Variants in FAR2 observed in about 807,000 individuals in gnomAD.
The protein encoded by FAR2 is fatty acyl-CoA reductase 2, also known as epididymis secretory protein Li 81.
Under a neutral mutation model 56.0 loss-of-function variants are expected in FAR2, and 19 were observed. The observed-to-expected ratio is 0.34, with a 90% CI of 0.24 to 0.50. The LOEUF (loss-of-function observed/expected upper bound fraction) is 0.50, where lower values mean the gene tolerates loss of function less well. Ranked by LOEUF, FAR2 falls within the 20% of genes least tolerant of loss-of-function variation. The pLI is 0.98. For synonymous variants in FAR2, 219 were observed against 218.8 expected, an observed-to-expected ratio of 1.00 and a Z score of -0.01; for missense variants, 508 against 642.2, an observed-to-expected ratio of 0.79 and a Z score of 2.26.
chr12:29,247,745 AC>A (rs1359807462), intron 1 of FAR2, among the ~76,000 whole-genome samples: 1 of 152,186 alleles, frequency 6.6e-6, no homozygotes, highest in Non-Finnish European at 1.5e-5. Flanking sequence ...GCATGGATAA[AC>A]CTGTATAAGT....
chr12:29,219,918 C>A (rs1947666299), intron 1 of FAR2, among the ~76,000 whole-genome samples: 1 of 152,088 alleles, frequency 6.6e-6, no homozygotes, highest in African/African-American at 2.4e-5. Context: ...GATTTAGAAA[C>A]CCAGAATCTG....
intron 1 of FAR2, among the ~76,000 whole-genome samples, chr12:29,239,876 A>C (rs1020974456): frequency 2.6e-5 from 4 of 152,196 alleles, no homozygotes; most frequent in African/African-American, 9.6e-5. Context: ...CAAGAAGGAC[A>C]GATAGCTTTC....
chr12:29,235,819 A>C (rs1947932297), intron 1 of FAR2, among the ~76,000 whole-genome samples: 2 of 152,184 alleles, frequency 1.3e-5, no homozygotes, highest in Non-Finnish European at 2.9e-5. Flanking sequence ...TCAGAAAATA[A>C]GGTGCTGCTG....
chr12:29,320,822 C>A (rs1181150338), intron 9 of FAR2, among the ~76,000 whole-genome samples: 1 of 152,188 alleles, frequency 6.6e-6, no homozygotes, highest in African/African-American at 2.4e-5. Flanking sequence ...CAAAGAAGAT[C>A]TGGTCCAAGT....
intron 1 of FAR2, among the ~76,000 whole-genome samples, chr12:29,251,564 C>G (rs1387128608): frequency 6.6e-6 from 1 of 152,150 alleles, no homozygotes; most frequent in Non-Finnish European, 1.5e-5. Context: ...CTAACCTGTA[C>G]TGTGGTCTTT....
At chr12:29,170,150 G>A (rs921735578) in intron 1 of FAR2, among the ~76,000 whole-genome samples, 1 of 152,230 alleles carries the variant, frequency 6.6e-6, no homozygotes, top group African/African-American at 2.4e-5. Context: ...CAGCTGGCAC[G>A]TTTGAGCAGA....
At chr12:29,204,019 A>G (rs11050121) in intron 1 of FAR2, among the ~76,000 whole-genome samples, 62 of 122,424 alleles carry the variant, frequency 5.1e-4, no homozygotes, top group Non-Finnish European at 5.7e-4. Context: ...AAAAAAAAAA[A>G]AAAAGAAAAT....
rs538778348 is a variant in FAR2 at position 29,324,425 on chromosome 12, C to G, written c.1257+2501C>G. 4.5e-3 allele frequency among the ~76,000 whole-genome samples: 682 copies of G among 152,280 alleles called. 6 individuals are homozygous for G. The highest frequency in any genetic ancestry group is 7.3e-3 in the Non-Finnish European group (499 of 68,028). On this transcript the variant is annotated intron_variant, in intron 10 of 11. Transcript: ENST00000536681. Reference sequence around the variant, plus strand: ...CCACAAAGATACTCCTCGAGAAGAGCAACTCCAAAACACATAATTGTCAGA... The same window carrying G: ...CCACAAAGATACTCCTCGAGAAGAGGAACTCCAAAACACATAATTGTCAGA...
intron 1 of FAR2, among the ~76,000 whole-genome samples, chr12:29,239,944 C>T (rs1948000112): frequency 6.6e-6 from 1 of 152,156 alleles, no homozygotes; most frequent in Non-Finnish European, 1.5e-5. Flanking sequence ...TAGTCCTTTT[C>T]AGAGAACCAC....
chr12:29,183,119 ACT>A (rs1417073682), intron 1 of FAR2, among the ~76,000 whole-genome samples: 1 of 151,588 alleles, frequency 6.6e-6, no homozygotes, highest in African/African-American at 2.4e-5. Flanking sequence ...GTGGTATTCA[ACT>A]CTTGTCAGTA....
chr12:29,192,048 T>G (rs1418949066), intron 1 of FAR2, among the ~76,000 whole-genome samples: 1 of 152,236 alleles, frequency 6.6e-6, no homozygotes, highest in Non-Finnish European at 1.5e-5. Flanking sequence ...GGCTAGGGCC[T>G]CTAAACAGTT....
intron 1 of FAR2, among the ~76,000 whole-genome samples, chr12:29,174,231 G>A (rs981255634): frequency 7.9e-5 from 12 of 151,762 alleles, no homozygotes; most frequent in African/African-American, 2.9e-4. Context: ...CTAGTCTGAG[G>A]AGGGATCCTA....
At position 29,333,862 on chromosome 12, in the gene FAR2, C is replaced by G. The variant is rs1949765146; in HGVS notation, c.*68C>G. ...CTCTAAAACAGCAAACTGTGATTCT[C>G]AAGATTAGAAAGTAACAAGGAATAT... On this transcript the variant is annotated 3_prime_UTR_variant, in exon 12 of 12. Coordinates refer to ENST00000536681, the MANE Select transcript of FAR2 (RefSeq NM_001271783.2). The G allele has an allele frequency of 6.9e-6, 10 of 1,442,140 alleles. No individual in the cohort carries two copies. The highest frequency in any genetic ancestry group is 9.6e-6 in the Non-Finnish European group (10 of 1,046,084). 89.3% of individuals were successfully genotyped at this position (1,442,140 alleles called of 1,614,324 possible).
intron 8 of FAR2, among the ~76,000 whole-genome samples, chr12:29,316,000 T>TAA (rs1949443490): frequency 6.6e-6 from 1 of 152,196 alleles, no homozygotes; most frequent in Non-Finnish European, 1.5e-5. Flanking sequence ...AATAAATGCC[T>TAA]ATGAACCAGG....
At chr12:29,230,400 GTGTC>G (rs1422666069) in intron 1 of FAR2, among the ~76,000 whole-genome samples, 1 of 151,960 alleles carries the variant, frequency 6.6e-6, no homozygotes, top group Non-Finnish European at 1.5e-5. Flanking sequence ...AGACAGCACT[GTGTC>G]TGAGTATGTG....
chr12:29,178,448 A>G (rs1371651743), intron 1 of FAR2, among the ~76,000 whole-genome samples: 2 of 152,200 alleles, frequency 1.3e-5, no homozygotes, highest in Admixed American at 6.5e-5. Context: ...TACAAAAATT[A>G]GTTCAGGCAT....
At chr12:29,187,704 G>C (rs1950057009) in intron 1 of FAR2, among the ~76,000 whole-genome samples, 1 of 152,184 alleles carries the variant, frequency 6.6e-6, no homozygotes, top group Non-Finnish European at 1.5e-5. Context: ...AAAATAGAGA[G>C]TTGTGTAATC....
At position 29,205,290 on chromosome 12, in the gene FAR2, T is replaced by C. The variant is rs73265800; in HGVS notation, c.-39+55883T>C. Among the ~76,000 whole-genome samples the C allele has an allele frequency of 8.2e-3, 1,243 of 152,290 alleles. 22 individuals are homozygous for C. The highest frequency in any genetic ancestry group is 0.028 in the African/African-American group (1,176 of 41,548). Reference sequence around the variant, plus strand: ...TTACAGAGATTTTCAGAGGTATGGATAGAGGTCTGTCAAACAGGGATAAAG... The same window carrying C: ...TTACAGAGATTTTCAGAGGTATGGACAGAGGTCTGTCAAACAGGGATAAAG... On this transcript the variant is annotated intron_variant, in intron 1 of 11. Coordinates refer to ENST00000536681, the MANE Select transcript of FAR2 (RefSeq NM_001271783.2).
rs151188405 is a variant in FAR2 at position 29,182,731 on chromosome 12, G to C, written c.-39+33324G>C. ...GGTTTAGTTGGGCCAAGAGTGGATG[G>C]ATAAATGAAGTGAATTCCCTCAACA... On this transcript the variant is annotated intron_variant, in intron 1 of 11. Transcript: ENST00000536681. Among the ~76,000 whole-genome samples the C allele has an allele frequency of 3.5e-4, 53 of 152,224 alleles. No individual in the cohort carries two copies. In the East Asian group the frequency reaches 0.01, roughly 29 times the overall value.
Sources: allele counts gnomAD v4.1 joint callset (sites outside exome capture counted in the v4.1 genomes callset), GRCh38; gene constraint gnomAD v4.1.1; transcripts MANE v1.5; gene names NCBI Gene and HGNC (gene_info 2026-07-23, HGNC 2026-07-21).